The following TBC1D9B variants were observed in gnomAD, a reference collection of about 807,000 sequenced individuals.
TBC1D9B encodes the protein TBC1 domain family, member 9B (with GRAM domain).
A neutral mutation model predicts 121.1 loss-of-function variants in TBC1D9B; 87 were observed. The ratio of observed to expected loss-of-function variants is 0.72; its 90% CI spans 0.60 to 0.86. The LOEUF (loss-of-function observed/expected upper bound fraction) is 0.86, where lower values mean the gene tolerates loss of function less well. TBC1D9B is among the 40% of genes least tolerant of loss of function. The pLI is 0.00. For synonymous variants in TBC1D9B, 668 were observed against 670.1 expected (o/e 1.00, Z 0.05); for missense variants, 1,540 against 1,628.6 (o/e 0.95, Z 0.94).
chr5:179,893,191 C>T lies in TBC1D9B; in HGVS notation c.836+18G>A, dbSNP rs1349796875. On this transcript the variant is annotated intron_variant, in intron 5 of 20. Coordinates refer to ENST00000355235, the MANE Select transcript of TBC1D9B (RefSeq NM_015043.4). ...CCTGGCTCACATGAGCCCACCCCAGCCCTGGAGGGCAACGCACCGCTTCAG... is the reference window on the plus strand; with the variant it reads ...CCTGGCTCACATGAGCCCACCCCAGTCCTGGAGGGCAACGCACCGCTTCAG... 6.3e-7 allele frequency: 1 copy of T among 1,589,948 alleles called. No homozygotes were observed. Among genetic ancestry groups the T allele is most frequent in the East Asian group, 2.2e-5 (1 of 44,508 alleles).
chr5:179,903,062 T>C (rs1240888832), intron 2 of TBC1D9B, among the ~76,000 whole-genome samples: 2 of 152,204 alleles, frequency 1.3e-5, no homozygotes, highest in East Asian at 3.9e-4. Flanking sequence ...GTTCCAGCCG[T>C]GAGGTTGACA....
Position 179,891,572 on chromosome 5 carries a change from C to A in TBC1D9B, c.851G>T (p.Arg284Leu). 6.2e-7 allele frequency: 1 copy of A among 1,613,174 alleles called. No individual in the cohort carries two copies. Reference sequence around the variant, plus strand: ...GGCTCGGTAGCACTCATTCTTGGCTCGGGCGTCCAGGTCTCTGGGGAAACA... The same window carrying A: ...GGCTCGGTAGCACTCATTCTTGGCTAGGGCGTCCAGGTCTCTGGGGAAACA... The part of the protein sequence containing the change: ...ISALKRDLDA[R>L]AKNECYRATF... Residue 284 changes from arginine to leucine, a missense_variant, in exon 6 of 21, where the codon CGA becomes CTA. Coordinates refer to ENST00000355235, the MANE Select transcript of TBC1D9B (RefSeq NM_015043.4). This position sits in a 1 kb window ranked among gnomAD's most constrained non-coding sequence, Gnocchi z 4.3.
At chr5:179,898,205 G>A (rs933266310) in intron 3 of TBC1D9B, among the ~76,000 whole-genome samples, 10 of 149,630 alleles carry the variant, frequency 6.7e-5, no homozygotes, top group Non-Finnish European at 1.3e-4. Context: ...GGGCTGGAGT[G>A]CAGTGGCATC....
chr5:179,884,537 A>T (rs772635962), intron 7 of TBC1D9B: 6 of 152,196 alleles, frequency 3.9e-5, no homozygotes, highest in Non-Finnish European at 8.8e-5. Context: ...CCCCAAAAGA[A>T]CTGAAAGTAA....
intron 6 of TBC1D9B, 28 bp from the exon 7 acceptor site, chr5:179,888,340 T>C: frequency 6.2e-7 from 1 of 1,608,918 alleles, no homozygotes; most frequent in Non-Finnish European, 8.5e-7. Flanking sequence ...CTCTTTTGGG[T>C]GTCTGCATCT....
chr5:179,866,759 G>A (rs1760024455), intron 18 of TBC1D9B: 1 of 152,424 alleles, frequency 6.6e-6, no homozygotes, highest in Admixed American at 6.5e-5. Flanking sequence ...AGGTCCTCAA[G>A]CTCAAGTCAG....
chr5:179,863,608 A>G lies in TBC1D9B; in HGVS notation c.3542T>C (p.Ile1181Thr). 6.2e-7 allele frequency: 1 copy of G among 1,613,998 alleles called. No homozygotes were observed. The highest frequency in any genetic ancestry group is 8.5e-7 in the Non-Finnish European group (1 of 1,180,028). The change falls in exon 21 of 21, where the codon ATC becomes ACC. Residue 1181 changes from isoleucine (I) to threonine (T), a missense_variant. Physicochemically the swap from Ile to Thr is moderately conservative, Grantham distance 89. Transcript: ENST00000355235. The surrounding 1 kb of genome is among the most constrained non-coding windows in gnomAD (Gnocchi z 4.5). ...GGAGGCCAGGATCTGCTCAAAGGAG[A>G]TGCACCAGTCGGTGTCGACGGTGCC... The part of the protein sequence containing the change: ...IGGTVDTDWC[I>T]SFEQILASIL...
At chr5:179,881,946 G>GTTTCTTTTTTTTTTTTTTTTTTTTT (rs1760554507) in intron 7 of TBC1D9B, among the ~76,000 whole-genome samples, 1 of 128,328 alleles carries the variant, frequency 7.8e-6, no homozygotes, top group African/African-American at 3.3e-5. Context: ...TATACCTTCC[G>GTTTCTTTTTTTTTTTTTTTTTTTTT]TTTTTTTTTT....
In TBC1D9B at chr5:179,885,859, A is replaced by G. The variant is rs1760670060; in HGVS notation, c.1254+2244T>C. On this transcript the variant is annotated intron_variant, in intron 7 of 20. Transcript: ENST00000355235. The surrounding 1 kb of genome is among the most constrained non-coding windows in gnomAD (Gnocchi z 4.5). ...TTCACTGGCTTCCCCTCTCACCTGA[A>G]GTCAAAGCTGCAGCACTCACAGGGC... Among the ~76,000 whole-genome samples the G allele has an allele frequency of 1.3e-5, 2 of 152,164 alleles. No individual in the cohort carries two copies. The highest frequency in any genetic ancestry group is 4.8e-5 in the African/African-American group (2 of 41,430).
At chr5:179,900,038 C>G (rs182185354) in intron 2 of TBC1D9B, among the ~76,000 whole-genome samples, 1 of 152,130 alleles carries the variant, frequency 6.6e-6, no homozygotes, top group South Asian at 2.1e-4. Flanking sequence ...GAGATCAGCC[C>G]GGGCAGCATG....
At chr5:179,900,930 G>A (rs1761149492) in intron 2 of TBC1D9B, among the ~76,000 whole-genome samples, 1 of 152,164 alleles carries the variant, frequency 6.6e-6, no homozygotes, top group South Asian at 2.1e-4. Context: ...CTGCCAGCTG[G>A]AGACAGCTCT....
intron 4 of TBC1D9B, among the ~76,000 whole-genome samples, chr5:179,893,913 G>C (rs577923534): frequency 6.6e-6 from 1 of 152,284 alleles, no homozygotes; most frequent in South Asian, 2.1e-4. Context: ...TGTGGGCTGA[G>C]GGAGGCAAGG....
In TBC1D9B at chr5:179,862,326, T is replaced by C; in HGVS notation, c.*1122A>G. The C allele has an allele frequency of 3.2e-6, 1 of 316,730 alleles. No individual in the cohort carries two copies. The highest frequency in any genetic ancestry group is 2.4e-5 in the South Asian group (1 of 41,060). 19.6% of individuals were successfully genotyped at this position (316,730 alleles called of 1,614,324 possible). A position where few individuals can be genotyped will look rare whatever the true frequency, so the allele number is the denominator to read the frequency against. On this transcript the variant is annotated 3_prime_UTR_variant, in exon 21 of 21. Transcript: ENST00000355235. ...CCATGTGGGGGCTAACACTGGACAC[T>C]GGTCAGTTTCAGCTCCTCATGCAAA...
chr5:179,907,897 T>TGCGGAGCGG (rs1554098608), upstream of TBC1D9B: 9 of 857,134 alleles, frequency 1.1e-5, no homozygotes, highest in East Asian at 1.2e-4. This position sits in a 1 kb window ranked among gnomAD's most constrained non-coding sequence, Gnocchi z 5.3. Flanking sequence ...GAGCGGAGCG[T>TGCGGAGCGG]GCGGAGCGGA....
At chr5:179,879,013 G>C (rs1582085809) in intron 9 of TBC1D9B, 34 bp downstream of exon 9, 2 of 1,593,246 alleles carry the variant, frequency 1.3e-6, no homozygotes, top group Middle Eastern at 1.7e-4. Flanking sequence ...CTGACTGGCT[G>C]AGCTGAGGCT....
rs1357191340 is a variant in TBC1D9B, at chr5:179,902,157, A to G, written c.229+2545T>C. On this transcript the variant is annotated intron_variant, in intron 2 of 20. Coordinates refer to ENST00000355235, the MANE Select transcript of TBC1D9B (RefSeq NM_015043.4). This position sits in a 1 kb window ranked among gnomAD's most constrained non-coding sequence, Gnocchi z 4.9. The stretch of plus-strand genomic sequence containing the variant: ...TGGGCTTCCACGTAAAAGCGTGTGC[A>G]GACACGTCATGTCCAGAGGAGTAAG... 1.3e-5 allele frequency among the ~76,000 whole-genome samples: 2 copies of G among 152,218 alleles called. No homozygotes were observed. Among genetic ancestry groups the G allele is most frequent in the African/African-American group, 2.4e-5 (1 of 41,460 alleles).
rs548668741 is a variant in TBC1D9B at position 179,890,279 on chromosome 5, C to T, written c.1044+1100G>A. On this transcript the variant is annotated intron_variant, in intron 6 of 20. Transcript: ENST00000355235. The surrounding 1 kb of genome is among the most constrained non-coding windows in gnomAD (Gnocchi z 5.0). Reference sequence around the variant, plus strand: ...TGCAGAGTTCCATCACCAGAGCACACTCAGTCCTCCAGTGTGAGCTAGTCC... The same window carrying T: ...TGCAGAGTTCCATCACCAGAGCACATTCAGTCCTCCAGTGTGAGCTAGTCC... 3.3e-5 allele frequency among the ~76,000 whole-genome samples: 5 copies of T among 152,356 alleles called. No homozygotes were observed. The highest frequency in any genetic ancestry group is 7.3e-5 in the Non-Finnish European group (5 of 68,034).
At position 179,904,383 on chromosome 5, in the gene TBC1D9B, C is replaced by G. The variant is rs919216564; in HGVS notation, c.229+319G>C. On this transcript the variant is annotated intron_variant, in intron 2 of 20. Transcript: ENST00000355235. This position sits in a 1 kb window ranked among gnomAD's most constrained non-coding sequence, Gnocchi z 4.2. ...GGGACTACAGGCCTCCGCCACCACC[C>G]CCAGCTAATTTTTTGTGTTTTTTAG... 2.0e-5 allele frequency among the ~76,000 whole-genome samples: 3 copies of G among 152,108 alleles called. No individual in the cohort carries two copies. Among genetic ancestry groups the G allele is most frequent in the Non-Finnish European group, 4.4e-5 (3 of 68,028 alleles).
Position 179,862,909 on chromosome 5 carries a change from CTG to C in TBC1D9B, c.*537_*538del, listed in dbSNP as rs1168133037. ...GCCACGCCTGTGCGCAGCGCCCACTCTGTGCAATAAACATGTTCTGCCCATGT... is the reference window on the plus strand; with the variant it reads ...GCCACGCCTGTGCGCAGCGCCCACTCTGCAATAAACATGTTCTGCCCATGT... On this transcript the variant is annotated 3_prime_UTR_variant, in exon 21 of 21. Transcript: ENST00000355235. 3 of 289,584 alleles carry C rather than the reference CTG, an allele frequency of 1.0e-5. No individual in the cohort carries two copies. The highest frequency in any genetic ancestry group is 6.5e-5 in the African/African-American group (3 of 46,044). 17.9% of individuals were successfully genotyped at this position (289,584 alleles called of 1,614,324 possible).
Sources: allele counts gnomAD v4.1 joint callset (sites outside exome capture counted in the v4.1 genomes callset), GRCh38; gene constraint gnomAD v4.1.1; non-coding constraint Gnocchi (gnomAD v3.1); transcripts MANE v1.5; gene names NCBI Gene and HGNC (gene_info 2026-07-23, HGNC 2026-07-21).